Variants in SEZ6L observed in about 807,000 individuals in gnomAD.
SEZ6L encodes the protein seizure related 6 homolog like, also known as seizure 6-like protein.
In SEZ6L, 37 loss-of-function variants were observed where a neutral mutation model predicts 106.2. The observed-to-expected ratio is 0.35, with a 90% CI of 0.27 to 0.46. The LOEUF (loss-of-function observed/expected upper bound fraction) is 0.46, where lower values mean the gene tolerates loss of function less well. SEZ6L is among the 20% of genes least tolerant of loss of function. The pLI, the probability that SEZ6L is intolerant of heterozygous loss-of-function variation, is 1.00. For missense variants in SEZ6L, 1,172 were observed against 1,332.8 expected (o/e 0.88, Z 1.88); for synonymous variants, 541 against 570.4 (o/e 0.95, Z 0.73).
At position 26,351,143 on chromosome 22, in the gene SEZ6L, C is replaced by G. The variant is rs765795840; in HGVS notation, c.2499C>G (p.Thr833=). Residue 833 remains threonine, a synonymous_variant, in exon 12 of 17, where the codon ACC becomes ACG. Coordinates refer to ENST00000248933, the MANE Select transcript of SEZ6L (RefSeq NM_021115.5). ...VLLVGTTIQY[T]CNPGFVLEGS... is the part of the protein sequence containing the mutation. Reference sequence around the variant, plus strand: ...TGGTGGGGACCACCATCCAATACACCTGCAACCCCGGTTTTGTGCTTGAAG... The same window carrying G: ...TGGTGGGGACCACCATCCAATACACGTGCAACCCCGGTTTTGTGCTTGAAG... The G allele has an allele frequency of 2.5e-6, 4 of 1,614,104 alleles. No homozygotes were observed. Among genetic ancestry groups the G allele is most frequent in the Non-Finnish European group, 3.4e-6 (4 of 1,180,052 alleles).
At chr22:26,367,063 T>G (rs1359310703) in intron 13 of SEZ6L, among the ~76,000 whole-genome samples, 1 of 152,184 alleles carries the variant, frequency 6.6e-6, no homozygotes, top group Admixed American at 6.5e-5. Context: ...ACATAGCTCC[T>G]GTCCCATTAA....
chr22:26,228,286 C>A (rs757818459), intron 1 of SEZ6L, among the ~76,000 whole-genome samples: 1 of 152,044 alleles, frequency 6.6e-6, no homozygotes, highest in Admixed American at 6.5e-5. Flanking sequence ...GAGTCTGGGT[C>A]GATGAAGGGC....
chr22:26,290,151 A>G (rs1396703242), intron 1 of SEZ6L, among the ~76,000 whole-genome samples: 1 of 152,210 alleles, frequency 6.6e-6, no homozygotes, highest in African/African-American at 2.4e-5. Context: ...TTAACCAGCA[A>G]TTGGCAGAAC....
chr22:26,317,217 C>A (rs1476874694), intron 9 of SEZ6L, among the ~76,000 whole-genome samples: 1 of 152,098 alleles, frequency 6.6e-6, no homozygotes, highest in African/African-American at 2.4e-5. Context: ...CTTTAGGAAG[C>A]CTTCTGTGTC....
intron 15 of SEZ6L, among the ~76,000 whole-genome samples, chr22:26,377,060 G>T: frequency 6.6e-6 from 1 of 152,228 alleles, no homozygotes; most frequent in East Asian, 1.9e-4. Context: ...CTGGAGGATC[G>T]CGTGAGCCCA....
At chr22:26,281,374 CTT>C (rs769088373) in intron 1 of SEZ6L, among the ~76,000 whole-genome samples, 9,839 of 130,064 alleles carry the variant, frequency 0.076, 245 homozygotes, top group Middle Eastern at 0.12. Context: ...TTCTTTCTTT[CTT>C]TTTTTTTTTT....
rs1424978510 is a variant in SEZ6L at position 26,383,294 on chromosome 22, T to C, written c.*2999T>C. 6.6e-6 allele frequency: 1 copy of C among 151,976 alleles called. No homozygotes were observed. Among genetic ancestry groups the C allele is most frequent in the African/African-American group, 2.4e-5 (1 of 41,376 alleles). The allele number at this position is 151,976 out of a possible 1,614,324, so 9.4% of individuals were successfully genotyped here. ...ATCAGGAGGGTTGTATAACAAGTAG[T>C]GATTTGGCAAATATGTGGGTAGCTT... On this transcript the variant is annotated 3_prime_UTR_variant, in exon 17 of 17. Coordinates refer to ENST00000248933, the MANE Select transcript of SEZ6L (RefSeq NM_021115.5).
intron 1 of SEZ6L, among the ~76,000 whole-genome samples, chr22:26,245,755 C>T (rs911166283): frequency 6.6e-6 from 1 of 152,166 alleles, no homozygotes; most frequent in Non-Finnish European, 1.5e-5. Context: ...CTTTAATCTT[C>T]CTGTTCTTAT....
intron 3 of SEZ6L, 141 bp downstream of exon 3, chr22:26,294,566 C>G (rs879096510): frequency 2.7e-6 from 2 of 737,418 alleles, no homozygotes; most frequent in Admixed American, 5.2e-5. Context: ...TGGGTTTTGG[C>G]GAATGAGTAG....
intron 1 of SEZ6L, among the ~76,000 whole-genome samples, chr22:26,206,982 T>C (rs1046427337): frequency 1.3e-5 from 2 of 152,236 alleles, no homozygotes; most frequent in African/African-American, 4.8e-5. Context: ...CCCAGTGTTT[T>C]GTGAACCTCG....
intron 1 of SEZ6L, among the ~76,000 whole-genome samples, chr22:26,260,903 G>A (rs1225731389): frequency 6.6e-6 from 1 of 151,860 alleles, no homozygotes; most frequent in African/African-American, 2.4e-5. Flanking sequence ...ATTGTATTTT[G>A]ATTTTTTTTG....
intron 10 of SEZ6L, among the ~76,000 whole-genome samples, chr22:26,341,329 G>A (rs764697185): frequency 3.3e-5 from 5 of 150,748 alleles, no homozygotes; most frequent in Admixed American, 6.6e-5. Context: ...ATGACCCCTC[G>A]TGTGCTTTCA....
chr22:26,309,074 C>T (rs2081732354), intron 6 of SEZ6L, among the ~76,000 whole-genome samples: 1 of 152,140 alleles, frequency 6.6e-6, no homozygotes, highest in African/African-American at 2.4e-5. Context: ...ATCTTAGTGA[C>T]ATTAGAAATT....
At chr22:26,176,347 CT>C (rs1165591660) in intron 1 of SEZ6L, among the ~76,000 whole-genome samples, 2 of 152,242 alleles carry the variant, frequency 1.3e-5, no homozygotes, top group Non-Finnish European at 2.9e-5. Context: ...TGATGCAAGC[CT>C]GGAGATCAAG....
At chr22:26,362,497 CT>C (rs2083667362) in intron 12 of SEZ6L, among the ~76,000 whole-genome samples, 1 of 152,206 alleles carries the variant, frequency 6.6e-6, no homozygotes. Context: ...GAGTTTCTCT[CT>C]TCTATGGCAC....
intron 1 of SEZ6L, among the ~76,000 whole-genome samples, chr22:26,235,863 C>T (rs764440991): frequency 2.4e-4 from 37 of 151,980 alleles, no homozygotes; most frequent in South Asian, 1.0e-3. Flanking sequence ...GAATTCCAAG[C>T]GGAAAAAGAA....
intron 1 of SEZ6L, among the ~76,000 whole-genome samples, chr22:26,176,616 A>G (rs1326310641): frequency 6.6e-6 from 1 of 152,214 alleles, no homozygotes; most frequent in Non-Finnish European, 1.5e-5. Context: ...TAACAGTATG[A>G]TCTTGAGCTA....
In SEZ6L at chr22:26,338,430, C is replaced by T. The variant is rs184069662; in HGVS notation, c.2016-2006C>T. Among the ~76,000 whole-genome samples the T allele has an allele frequency of 5.3e-3, 801 of 152,282 alleles. 4 individuals are homozygous for T. Among genetic ancestry groups the T allele is most frequent in the Middle Eastern group, 6.8e-3 (2 of 294 alleles). ...TTTTGTTTTGTGAGATGAGTTCTTG[C>T]TCTATTGCCCAGGCTGGAGTACAGT... On this transcript the variant is annotated intron_variant, in intron 9 of 16. Transcript: ENST00000248933.
rs71192911 is a variant in SEZ6L at position 26,292,145 on chromosome 22, AAAGG to A, written c.95-243_95-240del. 2,370 of 386,274 alleles carry A rather than the reference AAAGG, an allele frequency of 6.1e-3. 40 individuals are homozygous for A. The highest frequency in any genetic ancestry group is 0.037 in the African/African-American group (1,701 of 46,584). The allele number at this position is 386,274 out of a possible 1,614,324, so 23.9% of individuals were successfully genotyped here. On this transcript the variant is annotated intron_variant, in intron 1 of 16. Transcript: ENST00000248933. ...GGAGGGAGGGAGGAAAGAAAGAAAG[AAAGG>A]AAGGAAGGAAGGAAGGAGGAAGGAA...
Sources: allele counts gnomAD v4.1 joint callset (sites outside exome capture counted in the v4.1 genomes callset), GRCh38; gene constraint gnomAD v4.1.1; transcripts MANE v1.5; gene names NCBI Gene and HGNC (gene_info 2026-07-23, HGNC 2026-07-21).